ARHGAP15: variants seen among roughly 807,000 people sequenced by gnomAD.
ARHGAP15 encodes Rho GTPase activating protein 15.
A neutral mutation model predicts 63.7 loss-of-function variants in ARHGAP15; 51 were observed. The observed-to-expected ratio is 0.80, with a 90% CI of 0.64 to 1.01. The LOEUF is 1.01. Ranked by LOEUF, ARHGAP15 falls within the 50% of genes least tolerant of loss-of-function variation. ARHGAP15 has a pLI of 0.00. For synonymous variants in ARHGAP15, 191 were observed against 193.8 expected (o/e 0.99, Z 0.12); for missense variants, 560 against 564.6 (o/e 0.99, Z 0.08).
At chr2:143,294,350 C>T (rs1682540011) in intron 6 of ARHGAP15, among the ~76,000 whole-genome samples, 1 of 152,104 alleles carries the variant, frequency 6.6e-6, no homozygotes, top group Non-Finnish European at 1.5e-5. Flanking sequence ...GTAGACTTCT[C>T]TCCAAACATA....
At chr2:143,501,266 C>T (rs1184779559) in intron 9 of ARHGAP15, among the ~76,000 whole-genome samples, 1 of 152,152 alleles carries the variant, frequency 6.6e-6, no homozygotes, top group Admixed American at 6.5e-5. Context: ...CAGTGAAATA[C>T]GATGTTTACA....
chr2:143,705,173 C>T (rs1053150077), intron 13 of ARHGAP15, among the ~76,000 whole-genome samples: 1 of 152,132 alleles, frequency 6.6e-6, no homozygotes, highest in African/African-American at 2.4e-5. Flanking sequence ...CTTGCTAAAC[C>T]AGTTCATTGC....
At chr2:143,386,816 TTTG>T (rs918831279) in intron 6 of ARHGAP15, among the ~76,000 whole-genome samples, 2 of 150,894 alleles carry the variant, frequency 1.3e-5, no homozygotes, top group African/African-American at 2.4e-5. Context: ...TTTGGTTTCT[TTTG>T]TTGTTGTTGT....
intron 13 of ARHGAP15, among the ~76,000 whole-genome samples, chr2:143,764,033 T>C (rs1212288426): frequency 2.0e-5 from 3 of 152,062 alleles, no homozygotes; most frequent in Admixed American, 6.6e-5. Flanking sequence ...CTATGTGTTA[T>C]TTTTTAAATT....
chr2:143,246,449 G>C (rs1694047995), intron 5 of ARHGAP15, among the ~76,000 whole-genome samples: 1 of 151,810 alleles, frequency 6.6e-6, no homozygotes, highest in Non-Finnish European at 1.5e-5. Flanking sequence ...GACTCATAAG[G>C]GTTGAAGCTT....
chr2:143,673,758 G>A (rs368013992), intron 12 of ARHGAP15, among the ~76,000 whole-genome samples: 6,824 of 21,412 alleles, frequency 0.32, 2,011 homozygotes, highest in Non-Finnish European at 0.64. Flanking sequence ...GTGTGTGTGT[G>A]TATATATATA....
intron 5 of ARHGAP15, among the ~76,000 whole-genome samples, chr2:143,242,140 G>A (rs2104950292): frequency 1.3e-5 from 2 of 152,284 alleles, no homozygotes; most frequent in Admixed American, 1.3e-4. Context: ...AGAAAGCCAG[G>A]TCCCACTCCT....
chr2:143,311,226 C>T lies in ARHGAP15; in HGVS notation c.474+60626C>T, dbSNP rs150341297. 3.2e-4 allele frequency among the ~76,000 whole-genome samples: 49 copies of T among 151,668 alleles called. No individual in the cohort carries two copies. The East Asian group carries it at 7.8e-3, about 24-fold the overall frequency. ...ACCCACCAGTAAAGTAATAAGCACA[C>T]GGTGTATCAATTCAAAGACGTCCAG... On this transcript the variant is annotated intron_variant, in intron 6 of 13. Coordinates refer to ENST00000295095, the MANE Select transcript of ARHGAP15 (RefSeq NM_018460.4).
intron 10 of ARHGAP15, among the ~76,000 whole-genome samples, chr2:143,523,703 T>C (rs950420919): frequency 6.6e-6 from 1 of 152,176 alleles, no homozygotes; most frequent in Non-Finnish European, 1.5e-5. Flanking sequence ...GTTTGTAATA[T>C]AATTTAGATT....
At chr2:143,631,368 G>A (rs1221922134) in intron 12 of ARHGAP15, among the ~76,000 whole-genome samples, 3 of 151,960 alleles carry the variant, frequency 2.0e-5, no homozygotes, top group Admixed American at 6.6e-5. Flanking sequence ...TCATATGGTA[G>A]GTATATATGA....
intron 5 of ARHGAP15, among the ~76,000 whole-genome samples, chr2:143,242,233 C>T (rs1693891936): frequency 6.6e-6 from 1 of 152,138 alleles, no homozygotes; most frequent in South Asian, 2.1e-4. Context: ...GGGGGAAAGT[C>T]TGGTATTCCA....
intron 11 of ARHGAP15, among the ~76,000 whole-genome samples, chr2:143,618,757 C>T (rs1431335969): frequency 1.3e-5 from 2 of 151,954 alleles, no homozygotes; most frequent in Non-Finnish European, 2.9e-5. Flanking sequence ...AAAATTGGAC[C>T]TGATATCACA....
At chr2:143,607,602 T>C (rs541871671) in intron 11 of ARHGAP15, 1 of 151,704 alleles carries the variant, frequency 6.6e-6, no homozygotes, top group Non-Finnish European at 1.5e-5. Flanking sequence ...CATTTGTGAA[T>C]TGCAAAGCTT....
chr2:143,437,628 C>T (rs1429051366), intron 8 of ARHGAP15, among the ~76,000 whole-genome samples: 1 of 152,190 alleles, frequency 6.6e-6, no homozygotes, highest in Non-Finnish European at 1.5e-5. Context: ...GAGTATCTTT[C>T]TTAACCATTC....
At chr2:143,473,609 T>G (rs1284852752) in intron 8 of ARHGAP15, among the ~76,000 whole-genome samples, 2 of 152,254 alleles carry the variant, frequency 1.3e-5, no homozygotes, top group East Asian at 3.8e-4. Context: ...GAATAAATGC[T>G]GATGACTACA....
rs1440393467 is a variant in ARHGAP15 at position 143,596,485 on chromosome 2, A to G, written c.1004-27648A>G. 2.0e-5 allele frequency among the ~76,000 whole-genome samples: 3 copies of G among 152,256 alleles called. No individual in the cohort carries two copies. In the East Asian group the frequency reaches 5.8e-4, roughly 29 times the overall value. ...AACTCATAGTCTGCCTTTAAAATAT[A>G]GCTGGGCAAGGAGGTCTTGTGTCAC... On this transcript the variant is annotated intron_variant, in intron 11 of 13. Coordinates refer to ENST00000295095, the MANE Select transcript of ARHGAP15 (RefSeq NM_018460.4).
At position 143,437,045 on chromosome 2, in the gene ARHGAP15, G is replaced by A; in HGVS notation, c.703+3G>A. 5.0e-6 allele frequency: 8 copies of A among 1,591,118 alleles called. No homozygotes were observed. Among genetic ancestry groups the A allele is most frequent in the Non-Finnish European group, 6.8e-6 (8 of 1,173,994 alleles). ...ACCAGAGCACAGAAAATCTTTAAGT[G>A]AGTATTTTCTTTGACTTGCTCATTT... On this transcript the variant is annotated splice_donor_region_variant and intron_variant, in intron 8 of 13. Transcript: ENST00000295095.
chr2:143,613,206 C>T (rs1025103722), intron 11 of ARHGAP15, among the ~76,000 whole-genome samples: 2 of 152,052 alleles, frequency 1.3e-5, no homozygotes, highest in African/African-American at 4.8e-5. Flanking sequence ...TTTCTTTTTC[C>T]CTCATCATAA....
intron 11 of ARHGAP15, among the ~76,000 whole-genome samples, chr2:143,561,350 C>G (rs745421905): frequency 3.3e-5 from 5 of 152,116 alleles, no homozygotes; most frequent in Admixed American, 1.3e-4. Context: ...CTTCCCAAGC[C>G]CATGAGCCAA....
Sources: gnomAD v4.1 joint callset for allele counts (sites outside exome capture counted in the v4.1 genomes callset) on GRCh38, gnomAD v4.1.1 for gene constraint, MANE v1.5 for transcripts, NCBI Gene and HGNC (gene_info 2026-07-23, HGNC 2026-07-21) for gene names.